The following EBF2 variants were observed in gnomAD, a reference collection of about 807,000 sequenced individuals.
EBF2 encodes the protein EBF transcription factor 2.
EBF2 carries 21 observed loss-of-function variants against 72.8 expected under a neutral mutation model. The ratio of observed to expected loss-of-function variants is 0.29; its 90% CI spans 0.20 to 0.42. EBF2 has a LOEUF of 0.42. Among genes scored for constraint, EBF2 ranks in the 10% least tolerant of loss-of-function variants. The pLI is 1.00. For synonymous variants in EBF2, 299 were observed against 274.2 expected (o/e 1.09, Z -0.89); for missense variants, 637 against 731.2 (o/e 0.87, Z 1.49).
intron 6 of EBF2, among the ~76,000 whole-genome samples, chr8:26,004,962 T>C (rs1804812364): frequency 6.6e-6 from 1 of 151,176 alleles, no homozygotes; most frequent in African/African-American, 2.4e-5. Context: ...TCTAGAACAG[T>C]GGGATCCATA....
At chr8:26,040,746 G>C in intron 3 of EBF2, 75 bp from the exon 4 acceptor site, 2 of 1,523,392 alleles carry the variant, frequency 1.3e-6, no homozygotes, top group Non-Finnish European at 1.8e-6. Flanking sequence ...CTCTGCCATG[G>C]GTCTGAGGCC....
At chr8:25,907,071 C>T (rs1011911227) in intron 7 of EBF2, among the ~76,000 whole-genome samples, 4 of 152,068 alleles carry the variant, frequency 2.6e-5, no homozygotes, top group African/African-American at 9.6e-5. Context: ...CCAGCAGGAC[C>T]AGCTACATAA....
At chr8:26,043,992 C>T (rs958502467) in intron 1 of EBF2, among the ~76,000 whole-genome samples, 80 of 152,352 alleles carry the variant, frequency 5.3e-4, no homozygotes, top group African/African-American at 1.9e-3. Flanking sequence ...CTGGCGATCC[C>T]TGAGCCAGTC....
At chr8:26,016,633 G>T (rs1805115494) in intron 6 of EBF2, among the ~76,000 whole-genome samples, 1 of 152,182 alleles carries the variant, frequency 6.6e-6, no homozygotes, top group Non-Finnish European at 1.5e-5. Context: ...AGGACACTGA[G>T]AATAATAATA....
intron 6 of EBF2, among the ~76,000 whole-genome samples, chr8:25,928,905 T>C (rs558484256): frequency 3.3e-5 from 5 of 152,076 alleles, no homozygotes; most frequent in Admixed American, 3.3e-4. Flanking sequence ...AGTTCCTACT[T>C]GCTACACAGG....
At chr8:25,882,919 T>C (rs1052090084) in intron 10 of EBF2, among the ~76,000 whole-genome samples, 2 of 152,236 alleles carry the variant, frequency 1.3e-5, no homozygotes, top group African/African-American at 4.8e-5. Flanking sequence ...AAGTCGTTAA[T>C]GTCTCAGCAC....
At chr8:26,016,184 A>G (rs558900253) in intron 6 of EBF2, among the ~76,000 whole-genome samples, 2 of 152,060 alleles carry the variant, frequency 1.3e-5, no homozygotes, top group South Asian at 4.2e-4. Flanking sequence ...GATTTTTCTC[A>G]CTCCACTTCA....
At chr8:25,971,006 T>C (rs567203074) in intron 6 of EBF2, among the ~76,000 whole-genome samples, 5 of 152,224 alleles carry the variant, frequency 3.3e-5, no homozygotes, top group South Asian at 2.1e-4. Flanking sequence ...CTAATATTTT[T>C]TATGTTTTCT....
chr8:25,968,747 G>A (rs1002152698), intron 6 of EBF2, among the ~76,000 whole-genome samples: 28 of 152,158 alleles, frequency 1.8e-4, no homozygotes, highest in East Asian at 9.7e-4. Context: ...TAGTAGAGAC[G>A]GGGTTTCACT....
At chr8:25,992,411 C>A (rs1294108076) in intron 6 of EBF2, among the ~76,000 whole-genome samples, 1 of 146,224 alleles carries the variant, frequency 6.8e-6, no homozygotes, top group Non-Finnish European at 1.5e-5. Context: ...TGGAGAAAGT[C>A]TTTTCCAAAC....
intron 6 of EBF2, among the ~76,000 whole-genome samples, chr8:25,963,495 T>C (rs571087805): frequency 6.6e-6 from 1 of 152,218 alleles, no homozygotes; most frequent in Non-Finnish European, 1.5e-5. Context: ...GGTGCTGTCC[T>C]TGTAGGACCT....
At chr8:25,986,854 A>G (rs1197601251) in intron 6 of EBF2, among the ~76,000 whole-genome samples, 1 of 152,094 alleles carries the variant, frequency 6.6e-6, no homozygotes, top group Non-Finnish European at 1.5e-5. Flanking sequence ...AAGCAACTGA[A>G]CTCTCTTGTT....
In EBF2 at chr8:25,957,630, A is replaced by G. The variant is rs183438764; in HGVS notation, c.552-49075T>C. On this transcript the variant is annotated intron_variant, in intron 6 of 15. Coordinates refer to ENST00000520164, the MANE Select transcript of EBF2 (RefSeq NM_022659.4). ...GTAATCCCAGCAAGCTGGGAGCCCA[A>G]GGTGAGAGGATTGCTTGAACCCAGG... Among the ~76,000 whole-genome samples, 561 of 152,324 alleles carry G rather than the reference A, an allele frequency of 3.7e-3. 2 individuals carry two copies. The highest frequency in any genetic ancestry group is 0.013 in the African/African-American group (534 of 41,586).
chr8:26,016,972 CAGAG>C (rs934087654), intron 6 of EBF2, among the ~76,000 whole-genome samples: 1 of 151,912 alleles, frequency 6.6e-6, no homozygotes, highest in Non-Finnish European at 1.5e-5. Flanking sequence ...AGGCAGAAGT[CAGAG>C]AGAAAATGAG....
At chr8:25,864,211 A>G (rs980553952) in intron 10 of EBF2, among the ~76,000 whole-genome samples, 1 of 152,130 alleles carries the variant, frequency 6.6e-6, no homozygotes, top group African/African-American at 2.4e-5. Flanking sequence ...TCCTCAGGAG[A>G]ATGTATGAGT....
intron 6 of EBF2, among the ~76,000 whole-genome samples, chr8:25,948,968 G>C (rs1364441316): frequency 6.6e-6 from 1 of 152,082 alleles, no homozygotes; most frequent in South Asian, 2.1e-4. Flanking sequence ...CAAAAATCAT[G>C]GGCTGAAAAA....
chr8:26,038,740 C>A (rs970958455), intron 5 of EBF2, among the ~76,000 whole-genome samples: 1 of 152,236 alleles, frequency 6.6e-6, no homozygotes, highest in South Asian at 2.1e-4. Flanking sequence ...CCCCCAGCTA[C>A]TCCAGCAAGG....
At chr8:25,934,726 T>C (rs773320883) in intron 6 of EBF2, among the ~76,000 whole-genome samples, 10 of 152,044 alleles carry the variant, frequency 6.6e-5, no homozygotes, top group Non-Finnish European at 1.5e-4. Context: ...TGAGTGAGAG[T>C]GTGACACTTC....
intron 6 of EBF2, among the ~76,000 whole-genome samples, chr8:25,957,202 C>G (rs1585207739): frequency 6.6e-6 from 1 of 152,158 alleles, no homozygotes; most frequent in Non-Finnish European, 1.5e-5. Context: ...ATTTCCCCCC[C>G]AAGAGCAAAT....
Sources: gnomAD v4.1 joint callset for allele counts (sites outside exome capture counted in the v4.1 genomes callset) on GRCh38, gnomAD v4.1.1 for gene constraint, MANE v1.5 for transcripts, NCBI Gene and HGNC (gene_info 2026-07-23, HGNC 2026-07-21) for gene names.